The following RASGEF1B variants were observed in gnomAD, a reference collection of about 807,000 sequenced individuals.
RASGEF1B encodes the protein ras-GEF domain-containing family member 1B.
Under a neutral mutation model 65.7 loss-of-function variants are expected in RASGEF1B, and 30 were observed. The observed-to-expected ratio is 0.46, with a 90% CI of 0.34 to 0.62. The LOEUF is 0.62. Ranked by LOEUF, RASGEF1B falls within the 20% of genes least tolerant of loss-of-function variation. The pLI is 0.01. For missense variants in RASGEF1B, 495 were observed against 580.1 expected, an observed-to-expected ratio of 0.85 and a Z score of 1.51; for synonymous variants, 175 against 194.8, an observed-to-expected ratio of 0.90 and a Z score of 0.85.
chr4:81,467,622 G>C (rs1428677154), intron 1 of RASGEF1B, among the ~76,000 whole-genome samples: 2 of 152,180 alleles, frequency 1.3e-5, no homozygotes, highest in African/African-American at 2.4e-5. Context: ...GCACTTTGTA[G>C]CAGTAACAGT....
rs151331062 is a variant in RASGEF1B at position 81,427,982 on chromosome 4, A to G, written c.1398-190T>C. Among the ~76,000 whole-genome samples the G allele has an allele frequency of 5.5e-4, 84 of 152,366 alleles. No individual in the cohort carries two copies. The East Asian group carries it at 0.012, about 22-fold the overall frequency. On this transcript the variant is annotated intron_variant, in intron 13 of 13. Coordinates refer to ENST00000264400, the MANE Select transcript of RASGEF1B (RefSeq NM_152545.3). ...CTCTGGGAAAACTGCCAGTCACTTAAAAAACAAACATTTATTAATGGAGAT... is the reference window on the plus strand; with the variant it reads ...CTCTGGGAAAACTGCCAGTCACTTAGAAAACAAACATTTATTAATGGAGAT...
At chr4:81,446,434 A>T (rs538831834) in intron 6 of RASGEF1B, among the ~76,000 whole-genome samples, 2 of 152,316 alleles carry the variant, frequency 1.3e-5, no homozygotes, top group Non-Finnish European at 2.9e-5. Flanking sequence ...TTGTATCTTC[A>T]GAAACACAAT....
intron 4 of RASGEF1B, chr4:81,454,876 C>A (rs1722389948): frequency 6.6e-6 from 1 of 152,028 alleles, no homozygotes; most frequent in South Asian, 2.1e-4. Flanking sequence ...AAAAGCTAGC[C>A]TTACATAATT....
intron 4 of RASGEF1B, chr4:81,454,088 GT>G (rs1296327625): frequency 6.6e-6 from 1 of 152,116 alleles, no homozygotes; most frequent in Non-Finnish European, 1.5e-5. Flanking sequence ...ACTTCGCAAG[GT>G]TTCTATCAAG....
At chr4:81,444,236 C>T (rs1488825261) in intron 8 of RASGEF1B, among the ~76,000 whole-genome samples, 3 of 152,094 alleles carry the variant, frequency 2.0e-5, no homozygotes, top group Admixed American at 1.3e-4. Context: ...TATGGCTTGC[C>T]TTGACATTTT....
intron 5 of RASGEF1B, 22 bp from the exon 6 acceptor site, chr4:81,447,600 T>C: frequency 1.3e-6 from 2 of 1,589,958 alleles, no homozygotes; most frequent in Non-Finnish European, 1.7e-6. Flanking sequence ...ACCCAGAAGG[T>C]CAACAGTATT....
intron 8 of RASGEF1B, among the ~76,000 whole-genome samples, chr4:81,444,414 T>C (rs1271714621): frequency 6.6e-6 from 1 of 152,206 alleles, no homozygotes; most frequent in Non-Finnish European, 1.5e-5. Context: ...GAGGAAATGA[T>C]ATGTAAACAA....
In RASGEF1B at chr4:81,440,850, T is replaced by C. The variant is rs193292080; in HGVS notation, c.1088A>G (p.His363Arg). 7.5e-6 allele frequency: 12 copies of C among 1,609,728 alleles called. No homozygotes were observed. The highest frequency in any genetic ancestry group is 4.5e-5 in the East Asian group (2 of 44,816). ...RGAAQRSLTA[H>R]SSREKIVIPF... The stretch of plus-strand genomic sequence containing the variant: ...AGTGCATACCTTTTCTCTACTACTA[T>C]GAGCAGTTAAAGACCTTTGTGCTGC... The change falls in exon 10 of 14, where the codon CAT (histidine) becomes CGT (arginine). Residue 363 changes from histidine to arginine, a missense_variant. Transcript: ENST00000264400.
At chr4:81,445,071 G>A (rs1175086271) in intron 8 of RASGEF1B, among the ~76,000 whole-genome samples, 1 of 152,150 alleles carries the variant, frequency 6.6e-6, no homozygotes, top group African/African-American at 2.4e-5. Context: ...TGATATAGAG[G>A]AGTGAGTTTG....
intron 10 of RASGEF1B, among the ~76,000 whole-genome samples, chr4:81,435,926 G>A (rs199862197): frequency 4.0e-5 from 6 of 151,440 alleles, no homozygotes; most frequent in South Asian, 4.2e-4. Flanking sequence ...CTACAGGCAC[G>A]TGCCACCACA....
intron 4 of RASGEF1B, chr4:81,453,999 CA>C (rs1027919493): frequency 1.3e-5 from 2 of 152,254 alleles, no homozygotes; most frequent in Non-Finnish European, 2.9e-5. Flanking sequence ...TCTCTCCACT[CA>C]ACCCTTAGTT....
chr4:81,459,138 CA>C, intron 2 of RASGEF1B, 193 bp downstream of exon 2: 1 of 518,884 alleles, frequency 1.9e-6, no homozygotes, highest in Non-Finnish European at 3.4e-6. Context: ...AATTGATACA[CA>C]TAGTATACCA....
chr4:81,438,353 T>C (rs544547101), intron 10 of RASGEF1B, among the ~76,000 whole-genome samples: 5 of 152,350 alleles, frequency 3.3e-5, no homozygotes, highest in African/African-American at 9.6e-5. Context: ...ATTCACCATA[T>C]TGGTCAGGCT....
rs780495615 is a variant in RASGEF1B, at chr4:81,457,540, A to C, written c.259T>G (p.Cys87Gly). The C allele has an allele frequency of 2.5e-6, 4 of 1,614,174 alleles. No individual in the cohort carries two copies. The highest frequency in any genetic ancestry group is 3.4e-6 in the Non-Finnish European group (4 of 1,180,022). The change falls in exon 3 of 14, where the codon TGT (cysteine) becomes GGT (glycine). Residue 87 changes from cysteine (C) to glycine (G), a missense_variant. Transcript: ENST00000264400. ...TCACTTAGTCTCTGGTGCTCAACACATAAGTGGCAAACTTTGGCCATTAGC... is the reference window on the plus strand; with the variant it reads ...TCACTTAGTCTCTGGTGCTCAACACCTAAGTGGCAAACTTTGGCCATTAGC... ...YELMAKVCHL[C>G]VEHQRLSDPD...
chr4:81,445,778 G>A lies in RASGEF1B; in HGVS notation c.790C>T (p.Arg264Cys), dbSNP rs373097963. 6.2e-6 allele frequency: 10 copies of A among 1,613,854 alleles called. No homozygotes were observed. The highest frequency in any genetic ancestry group is 1.6e-4 in the Middle Eastern group (1 of 6,084). Residue 264 changes from arginine to cysteine, a missense_variant, in exon 7 of 14, where the codon CGC becomes TGC. Transcript: ENST00000264400. ...NLEAYVEWFN[R>C]LSYLVATEIC... ...TCTGTAGCAACCAAGTAGCTGAGGC[G>A]ATTAAACCATTCCACGTAAGCTTCT...
At chr4:81,455,290 G>A (rs1006090665) in intron 4 of RASGEF1B, 2 of 152,044 alleles carry the variant, frequency 1.3e-5, no homozygotes, top group Non-Finnish European at 2.9e-5. Flanking sequence ...TAGAAAAAAC[G>A]AGCCAGGCAC....
At chr4:81,454,027 T>G (rs1722359181) in intron 4 of RASGEF1B, 1 of 152,204 alleles carries the variant, frequency 6.6e-6, no homozygotes, top group African/African-American at 2.4e-5. Flanking sequence ...ATTCCTCAGT[T>G]AGAACTGGCT....
At chr4:81,471,524 G>A (rs1435311616) in intron 1 of RASGEF1B, among the ~76,000 whole-genome samples, 1 of 152,170 alleles carries the variant, frequency 6.6e-6, no homozygotes, top group Non-Finnish European at 1.5e-5. Context: ...CAGCGGCCGG[G>A]CAGGGGCCCT....
chr4:81,460,188 G>C (rs1487525214), intron 1 of RASGEF1B, among the ~76,000 whole-genome samples: 1 of 152,190 alleles, frequency 6.6e-6, no homozygotes. Flanking sequence ...TAAACATGCA[G>C]GCTGAGAAGA....
Sources: allele counts gnomAD v4.1 joint callset (sites outside exome capture counted in the v4.1 genomes callset), GRCh38; gene constraint gnomAD v4.1.1; transcripts MANE v1.5; gene names NCBI Gene and HGNC (gene_info 2026-07-23, HGNC 2026-07-21).